Variants in CDH18 observed in about 807,000 individuals in gnomAD.
The protein encoded by CDH18 is cadherin-18.
In CDH18, 31 loss-of-function variants were observed where a neutral mutation model predicts 67.9. The observed-to-expected ratio is 0.46, with a 90% CI of 0.34 to 0.62. CDH18 has a LOEUF of 0.62. Among genes scored for constraint, CDH18 ranks in the 20% least tolerant of loss-of-function variants. CDH18 has a pLI of 0.01. For synonymous variants in CDH18, 362 were observed against 347.2 expected, an observed-to-expected ratio of 1.04 and a Z score of -0.48; for missense variants, 890 against 975.5, an observed-to-expected ratio of 0.91 and a Z score of 1.17.
At chr5:20,327,360 A>C (rs1482077314) in intron 1 of CDH18, among the ~76,000 whole-genome samples, 2 of 152,174 alleles carry the variant, frequency 1.3e-5, no homozygotes, top group East Asian at 3.9e-4. Context: ...TGCCTAATTG[A>C]CTTTTTCGTC....
intron 2 of CDH18, among the ~76,000 whole-genome samples, chr5:19,918,642 A>G (rs1054146069): frequency 2.6e-5 from 4 of 152,178 alleles, no homozygotes; most frequent in African/African-American, 9.7e-5. Flanking sequence ...TAATGGATAA[A>G]CAAATGCTAT....
chr5:20,460,821 C>T (rs1044237824), intron 1 of CDH18, among the ~76,000 whole-genome samples: 8 of 152,042 alleles, frequency 5.3e-5, no homozygotes, highest in Non-Finnish European at 1.0e-4. Context: ...AAAATAATAA[C>T]GATACAAATG....
chr5:19,624,809 C>T (rs1481605032), intron 5 of CDH18, among the ~76,000 whole-genome samples: 2 of 152,136 alleles, frequency 1.3e-5, no homozygotes, highest in Non-Finnish European at 2.9e-5. Flanking sequence ...CTAGTACAAG[C>T]CCTTCCGATG....
At chr5:20,324,232 A>T (rs1383107594) in intron 1 of CDH18, among the ~76,000 whole-genome samples, 2 of 152,152 alleles carry the variant, frequency 1.3e-5, no homozygotes, top group African/African-American at 4.8e-5. Context: ...CTGAAAGCTG[A>T]GCAATTCATT....
intron 4 of CDH18, among the ~76,000 whole-genome samples, chr5:19,725,628 A>C (rs1013401976): frequency 1.3e-5 from 2 of 151,962 alleles, no homozygotes; most frequent in Non-Finnish European, 2.9e-5. Context: ...AATTATCTGG[A>C]CGTGGTGGTG....
intron 2 of CDH18, among the ~76,000 whole-genome samples, chr5:20,103,364 T>C (rs1746635457): frequency 6.6e-6 from 1 of 152,048 alleles, no homozygotes; most frequent in Non-Finnish European, 1.5e-5. Flanking sequence ...TCATTTGAGA[T>C]TGCATTTAAA....
At chr5:19,506,458 C>G (rs1744179942) in intron 10 of CDH18, among the ~76,000 whole-genome samples, 1 of 152,150 alleles carries the variant, frequency 6.6e-6, no homozygotes, top group African/African-American at 2.4e-5. Flanking sequence ...CAAGTCAATC[C>G]TAAGCCAAAA....
chr5:19,793,361 T>C (rs1312886153), intron 3 of CDH18, among the ~76,000 whole-genome samples: 2 of 152,168 alleles, frequency 1.3e-5, no homozygotes, highest in Non-Finnish European at 2.9e-5. Flanking sequence ...TATGGAACAA[T>C]CTGTAATCTA....
chr5:19,523,572 A>C (rs1170395698), intron 9 of CDH18, among the ~76,000 whole-genome samples: 2 of 152,148 alleles, frequency 1.3e-5, no homozygotes, highest in Non-Finnish European at 2.9e-5. Flanking sequence ...TAAACATGAA[A>C]AAAAATCAGT....
At chr5:20,489,580 A>T (rs1488691404) in intron 1 of CDH18, among the ~76,000 whole-genome samples, 1 of 152,088 alleles carries the variant, frequency 6.6e-6, no homozygotes, top group Non-Finnish European at 1.5e-5. Flanking sequence ...TGTAATTCAC[A>T]GTAAGTTTGT....
At chr5:19,656,214 C>A (rs150364959) in intron 5 of CDH18, among the ~76,000 whole-genome samples, 1 of 152,066 alleles carries the variant, frequency 6.6e-6, no homozygotes, top group East Asian at 1.9e-4. Flanking sequence ...AGTATTTTAA[C>A]TGGAATGACT....
intron 2 of CDH18, among the ~76,000 whole-genome samples, chr5:20,132,187 C>A (rs897673024): frequency 2.0e-5 from 3 of 152,124 alleles, no homozygotes; most frequent in Non-Finnish European, 4.4e-5. Context: ...CCACACCTGG[C>A]CAACAATAAA....
intron 3 of CDH18, among the ~76,000 whole-genome samples, chr5:19,836,281 C>A (rs774194806): frequency 2.0e-5 from 3 of 152,154 alleles, no homozygotes; most frequent in African/African-American, 7.2e-5. Context: ...TACACTCCCA[C>A]CAACAGTGGA....
At chr5:20,347,223 C>T (rs1250537887) in intron 1 of CDH18, among the ~76,000 whole-genome samples, 1 of 152,114 alleles carries the variant, frequency 6.6e-6, no homozygotes, top group Non-Finnish European at 1.5e-5. Flanking sequence ...AAATTTGTTT[C>T]TTCTCACCTA....
intron 8 of CDH18, among the ~76,000 whole-genome samples, chr5:19,555,174 C>T (rs909657578): frequency 3.3e-5 from 5 of 152,270 alleles, no homozygotes; most frequent in African/African-American, 1.2e-4. Context: ...ACTTGCAGCT[C>T]CCACATGGAC....
intron 2 of CDH18, among the ~76,000 whole-genome samples, chr5:20,001,924 C>A (rs1736474652): frequency 6.6e-6 from 1 of 152,108 alleles, no homozygotes; most frequent in Non-Finnish European, 1.5e-5. Context: ...ACATAGGCCT[C>A]AAGTCATTTT....
At chr5:20,257,397 C>T (rs1261250388) in intron 1 of CDH18, among the ~76,000 whole-genome samples, 2 of 151,978 alleles carry the variant, frequency 1.3e-5, no homozygotes, top group African/African-American at 4.8e-5. Context: ...TTATACATAG[C>T]TCACATTTTC....
chr5:19,537,608 A>G (rs1233018599), intron 9 of CDH18, among the ~76,000 whole-genome samples: 2 of 152,094 alleles, frequency 1.3e-5, no homozygotes, highest in East Asian at 3.9e-4. Context: ...GAATCCATGC[A>G]TTATCCTCCC....
chr5:20,071,214 T>C (rs1169504497), intron 2 of CDH18, among the ~76,000 whole-genome samples: 1 of 152,110 alleles, frequency 6.6e-6, no homozygotes, highest in Admixed American at 6.6e-5. Context: ...TGTGCATCAG[T>C]GTATTTTTTT....
Sources: allele counts gnomAD v4.1 joint callset (sites outside exome capture counted in the v4.1 genomes callset), GRCh38; gene constraint gnomAD v4.1.1; transcripts MANE v1.5; gene names NCBI Gene and HGNC (gene_info 2026-07-23, HGNC 2026-07-21).